TPST1: variants seen among roughly 807,000 people sequenced by gnomAD.
TPST1 encodes the protein protein-tyrosine sulfotransferase 1.
A neutral mutation model predicts 34.8 loss-of-function variants in TPST1; 20 were observed. The ratio of observed to expected loss-of-function variants is 0.57; its 90% CI spans 0.40 to 0.84. The LOEUF (loss-of-function observed/expected upper bound fraction) is 0.84. Among genes scored for constraint, TPST1 ranks in the 40% least tolerant of loss-of-function variants. The pLI, the probability that TPST1 is intolerant of heterozygous loss-of-function variation, is 0.00. For synonymous variants in TPST1, 152 were observed against 159.4 expected (o/e 0.95, Z 0.35); for missense variants, 353 against 455.5 (o/e 0.78, Z 2.05).
chr7:66,230,484 G>A (rs946168776), intron 1 of TPST1, among the ~76,000 whole-genome samples: 2 of 152,122 alleles, frequency 1.3e-5, no homozygotes, highest in East Asian at 1.9e-4. Context: ...CTTCTGGTGG[G>A]TTCATGGTCT....
At chr7:66,331,610 A>G (rs1326082093) in intron 3 of TPST1, among the ~76,000 whole-genome samples, 5 of 152,198 alleles carry the variant, frequency 3.3e-5, no homozygotes, top group South Asian at 4.1e-4. Flanking sequence ...TATTTCATCA[A>G]AAGAAAATTA....
At chr7:66,283,763 C>G (rs1334117716) in intron 2 of TPST1, among the ~76,000 whole-genome samples, 3 of 152,090 alleles carry the variant, frequency 2.0e-5, no homozygotes, top group Non-Finnish European at 4.4e-5. Flanking sequence ...CATGTGTTAC[C>G]CCATGAAAAG....
chr7:66,300,613 ATGG>A (rs1791295030), intron 3 of TPST1, among the ~76,000 whole-genome samples: 1 of 152,210 alleles, frequency 6.6e-6, no homozygotes, highest in African/African-American at 2.4e-5. Flanking sequence ...GTTGGTATCT[ATGG>A]CAGCTATAGT....
At chr7:66,208,762 C>T (rs1460593152) in intron 1 of TPST1, among the ~76,000 whole-genome samples, 1 of 152,048 alleles carries the variant, frequency 6.6e-6, no homozygotes, top group African/African-American at 2.4e-5. Flanking sequence ...AGCCACTGTG[C>T]CCAGCCCATT....
upstream of TPST1, among the ~76,000 whole-genome samples, chr7:66,202,477 C>T (rs1256149275): frequency 2.0e-5 from 3 of 152,116 alleles, no homozygotes; most frequent in African/African-American, 7.2e-5. Context: ...AGTGTCAGCT[C>T]CCTATGTGGC....
intron 1 of TPST1, among the ~76,000 whole-genome samples, chr7:66,222,081 C>A (rs983101411): frequency 4.6e-5 from 7 of 152,062 alleles, no homozygotes; most frequent in African/African-American, 1.4e-4. Flanking sequence ...GTTACCTATT[C>A]GTCTATAAAT....
intron 1 of TPST1, among the ~76,000 whole-genome samples, chr7:66,214,982 G>A (rs1157033292): frequency 6.9e-6 from 1 of 145,544 alleles, no homozygotes; most frequent in East Asian, 2.0e-4. Context: ...TAAGATATAT[G>A]CATTAACTAT....
intron 3 of TPST1, chr7:66,344,405 G>GA (rs1310582885): frequency 6.6e-6 from 1 of 152,110 alleles, no homozygotes; most frequent in Non-Finnish European, 1.5e-5. Context: ...ATGAAGCATA[G>GA]AAAAAACATT....
chr7:66,307,912 T>C (rs2116095020), intron 3 of TPST1, among the ~76,000 whole-genome samples: 1 of 152,368 alleles, frequency 6.6e-6, no homozygotes, highest in East Asian at 1.9e-4. Context: ...ATCATTTACA[T>C]GGGACACAAA....
intron 1 of TPST1, among the ~76,000 whole-genome samples, chr7:66,220,177 T>C (rs1584143856): frequency 6.6e-6 from 1 of 152,186 alleles, no homozygotes; most frequent in Non-Finnish European, 1.5e-5. Context: ...TGGGCTTTTA[T>C]TGAGAAAGTT....
intron 2 of TPST1, among the ~76,000 whole-genome samples, chr7:66,283,929 A>T (rs1191472476): frequency 6.6e-6 from 1 of 152,220 alleles, no homozygotes; most frequent in Non-Finnish European, 1.5e-5. Flanking sequence ...TATCAAACCC[A>T]CATAGTGGGT....
rs1584214236 is a variant in TPST1 at position 66,294,422 on chromosome 7, T to G, written c.1044+7713T>G. On this transcript the variant is annotated intron_variant, in intron 3 of 5. Transcript: ENST00000304842. The stretch of plus-strand genomic sequence containing the variant: ...TTGATAACTTTAATTGACAAATTTA[T>G]GCCACATTTATTTCATGAGATTAAT... 2.0e-5 allele frequency among the ~76,000 whole-genome samples: 3 copies of G among 152,294 alleles called. No individual in the cohort carries two copies. In the South Asian group the frequency reaches 6.2e-4, roughly 32 times the overall value.
chr7:66,214,376 T>A (rs946677670), intron 1 of TPST1, among the ~76,000 whole-genome samples: 1 of 151,060 alleles, frequency 6.6e-6, no homozygotes, highest in Non-Finnish European at 1.5e-5. Flanking sequence ...TATTTACTAA[T>A]TTTTTTGTAA....
At chr7:66,243,724 A>G (rs913999765) in intron 2 of TPST1, among the ~76,000 whole-genome samples, 13 of 150,686 alleles carry the variant, frequency 8.6e-5, no homozygotes, top group Non-Finnish European at 1.6e-4. Flanking sequence ...CTGGGGTTAC[A>G]GGTGTGAGCC....
At chr7:66,253,614 G>T (rs113624208) in intron 2 of TPST1, among the ~76,000 whole-genome samples, 1 of 151,336 alleles carries the variant, frequency 6.6e-6, no homozygotes, top group African/African-American at 2.4e-5. Flanking sequence ...CTTGTGATCC[G>T]CCCACCCTGG....
At chr7:66,358,568 C>T (rs562098784) in intron 5 of TPST1, among the ~76,000 whole-genome samples, 3 of 152,190 alleles carry the variant, frequency 2.0e-5, no homozygotes, top group East Asian at 1.9e-4. Context: ...ATGTGACTTG[C>T]GGTGCGTTGA....
chr7:66,201,211 T>A (rs750677507), upstream of TPST1, among the ~76,000 whole-genome samples: 1 of 151,740 alleles, frequency 6.6e-6, no homozygotes, highest in Non-Finnish European at 1.5e-5. Context: ...CAGGAACAAG[T>A]TTTCCTTTAA....
chr7:66,274,223 T>A (rs1790761402), intron 2 of TPST1, among the ~76,000 whole-genome samples: 1 of 151,670 alleles, frequency 6.6e-6, no homozygotes, highest in South Asian at 2.1e-4. Flanking sequence ...AAAAAATTAG[T>A]CAGGTGTGGT....
At chr7:66,230,508 G>T (rs1034344716) in intron 1 of TPST1, among the ~76,000 whole-genome samples, 7 of 152,126 alleles carry the variant, frequency 4.6e-5, no homozygotes, top group African/African-American at 9.7e-5. Flanking sequence ...TGGCTCAGGA[G>T]TGAAGCTGCA....
Sources: allele counts gnomAD v4.1 joint callset (sites outside exome capture counted in the v4.1 genomes callset), GRCh38; gene constraint gnomAD v4.1.1; transcripts MANE v1.5; gene names NCBI Gene and HGNC (gene_info 2026-07-23, HGNC 2026-07-21).